The following ABCC6 variants were observed in gnomAD, a reference collection of about 807,000 sequenced individuals.
ABCC6 encodes the protein ATP-binding cassette sub-family C member 6.
A neutral mutation model predicts 169.5 loss-of-function variants in ABCC6; 126 were observed. That is an observed-to-expected ratio of 0.74 (90% CI 0.64 to 0.86). ABCC6 has a LOEUF of 0.86. Among genes scored for constraint, ABCC6 ranks in the 40% least tolerant of loss-of-function variants. ABCC6 has a pLI of 0.00. For synonymous variants in ABCC6, 752 were observed against 814.7 expected, an observed-to-expected ratio of 0.92 and a Z score of 1.31; for missense variants, 1,733 against 1,927.2, an observed-to-expected ratio of 0.90 and a Z score of 1.89.
chr16:16,215,344 A>T (rs1358981208), intron 4 of ABCC6, among the ~76,000 whole-genome samples: 2 of 151,848 alleles, frequency 1.3e-5, no homozygotes, highest in African/African-American at 4.8e-5. Context: ...CCACACCACA[A>T]TGATTTTTGC....
At chr16:16,157,083 G>C (rs1044586857) in intron 27 of ABCC6, among the ~76,000 whole-genome samples, 2 of 152,016 alleles carry the variant, frequency 1.3e-5, no homozygotes, top group African/African-American at 4.8e-5. Flanking sequence ...TTCAGTGAAG[G>C]GGCCTGATGA....
chr16:16,198,121 A>C lies in ABCC6; in HGVS notation c.1238T>G (p.Val413Gly). 6.2e-7 allele frequency: 1 copy of C among 1,612,308 alleles called. No individual in the cohort carries two copies. The highest frequency in any genetic ancestry group is 1.1e-5 in the South Asian group (1 of 90,600). Residue 413 changes from valine (V) to glycine (G), a missense_variant, in exon 10 of 31, where the codon GTG (valine) becomes GGG (glycine). This residue lies in a region of ABCC6 where 1,601 missense variants were observed against 1,635.5 expected (regional missense o/e 0.98). Coordinates refer to ENST00000205557, the MANE Select transcript of ABCC6 (RefSeq NM_001171.6). ...ASAVGDVVNLVSVDVQRLTES... is the reference protein window; with the variant it reads ...ASAVGDVVNLGSVDVQRLTES... ...GGTCAGCCGCTGCACGTCCACGGAC[A>C]CCAGATTGACCACATCACCCACCGC... is the stretch of plus-strand genomic sequence containing the variant.
chr16:16,186,948 A>G (rs1048340336), intron 14 of ABCC6, among the ~76,000 whole-genome samples, 176 bp downstream of exon 14: 9 of 152,112 alleles, frequency 5.9e-5, no homozygotes, highest in Non-Finnish European at 1.0e-4. Flanking sequence ...AGCAGAAAGA[A>G]GAGCAGCACG....
rs750477803 is a variant in ABCC6, at chr16:16,221,646, T to G, written c.219+3A>C. 1 of 1,613,926 alleles carries G rather than the reference T, an allele frequency of 6.2e-7. No homozygotes were observed. Among genetic ancestry groups the G allele is most frequent in the Non-Finnish European group, 8.5e-7 (1 of 1,179,840 alleles). On this transcript the variant is annotated splice_donor_region_variant and intron_variant, in intron 2 of 30. Transcript: ENST00000205557. ...GTTCCAGGCTCCCAGGGATGGCAGC[T>G]ACCATCTTGGCTTTGAAGAGTGGGG...
intron 22 of ABCC6, among the ~76,000 whole-genome samples, chr16:16,166,298 C>T (rs1309935800): frequency 6.6e-6 from 1 of 152,022 alleles, no homozygotes; most frequent in Non-Finnish European, 1.5e-5. Flanking sequence ...ATCTGCCTGC[C>T]TTGGCCTCCC....
chr16:16,221,063 C>A, intron 2 of ABCC6: 1 of 518,220 alleles, frequency 1.9e-6, no homozygotes, highest in Non-Finnish European at 2.5e-6. Flanking sequence ...TTTGCCAACC[C>A]CTGGGTTGGT....
In ABCC6 at chr16:16,154,889, A is replaced by G. The variant is rs63750608; in HGVS notation, c.4025T>C (p.Ile1342Thr). Residue 1342 changes from isoleucine (I) to threonine (T), a missense_variant, in exon 28 of 31, where the codon ATC (isoleucine) becomes ACC (threonine). Around this residue, in one of 5 missense-constraint regions of ABCC6, gnomAD observed 1,601 missense variants for 1,635.5 expected, o/e 0.98. Transcript: ENST00000205557. ...HVGLHTLRSR[I>T]SIIPQDPILF... ...CAGCCTCACCTGGGGGATGATGCTGATCCTGGAGCGCAGTGTGTGCAGCCC... is the reference window on the plus strand; with the variant it reads ...CAGCCTCACCTGGGGGATGATGCTGGTCCTGGAGCGCAGTGTGTGCAGCCC... 45 of 1,612,444 alleles carry G rather than the reference A, an allele frequency of 2.8e-5. No homozygotes were observed. Among genetic ancestry groups the G allele is most frequent in the Middle Eastern group, 1.6e-4 (1 of 6,076 alleles).
intron 1 of ABCC6, among the ~76,000 whole-genome samples, chr16:16,222,115 G>C (rs1217025683): frequency 6.6e-6 from 1 of 152,122 alleles, no homozygotes; most frequent in Non-Finnish European, 1.5e-5. Context: ...TTGAACCCAG[G>C]GAACTGGGCC....
chr16:16,209,043 C>T (rs2152289639), intron 6 of ABCC6, among the ~76,000 whole-genome samples, 184 bp from the exon 7 acceptor site: 1 of 152,076 alleles, frequency 6.6e-6, no homozygotes, highest in South Asian at 2.1e-4. Flanking sequence ...TCTCGTTTCA[C>T]AAAGATTGTC....
chr16:16,185,610 C>T (rs2047631019), intron 14 of ABCC6, among the ~76,000 whole-genome samples: 1 of 152,076 alleles, frequency 6.6e-6, no homozygotes, highest in African/African-American at 2.4e-5. Flanking sequence ...ATGGCAAAAC[C>T]CTGCCTCTAC....
At chr16:16,193,986 G>T (rs2152273982) in intron 10 of ABCC6, among the ~76,000 whole-genome samples, 1 of 152,270 alleles carries the variant, frequency 6.6e-6, no homozygotes, top group South Asian at 2.1e-4. Flanking sequence ...TGTCAGGGAG[G>T]GAAACAGCCC....
At chr16:16,210,736 C>G (rs376988895) in intron 6 of ABCC6, among the ~76,000 whole-genome samples, 3 of 152,162 alleles carry the variant, frequency 2.0e-5, no homozygotes, top group Admixed American at 6.5e-5. Context: ...AGAGCTGTTT[C>G]GAAAACCTCT....
chr16:16,183,107 C>T (rs150466), intron 15 of ABCC6, among the ~76,000 whole-genome samples, 177 bp from the exon 16 acceptor site: 12,688 of 152,228 alleles, frequency 0.083, 619 homozygotes, highest in East Asian at 0.24. Flanking sequence ...CTGTGCACAT[C>T]TGTGCATGTA....
At position 16,198,165 on chromosome 16, in the gene ABCC6, G is replaced by T. The variant is rs376518465; in HGVS notation, c.1194C>A (p.Ser398Arg). The change falls in exon 10 of 31, where the codon AGC becomes AGA. Residue 398 changes from serine (S) to arginine (R), a missense_variant. Physicochemically the swap from Ser to Arg is moderately radical, Grantham distance 110. Coordinates refer to ENST00000205557, the MANE Select transcript of ABCC6 (RefSeq NM_001171.6). Reference protein sequence around the residue: ...LVYRKVLALSSGSRKASAVGD... With the variant: ...LVYRKVLALSRGSRKASAVGD... Reference sequence around the variant, plus strand: ...CCACCGCACTGGCCTTTCTGGAGCCGCTGGACAGAGCCAGGACCTGGCGGG... The same window carrying T: ...CCACCGCACTGGCCTTTCTGGAGCCTCTGGACAGAGCCAGGACCTGGCGGG... 4.4e-6 allele frequency: 7 copies of T among 1,603,274 alleles called. No individual in the cohort carries two copies. The highest frequency in any genetic ancestry group is 6.0e-6 in the Non-Finnish European group (7 of 1,174,704).
chr16:16,190,079 T>TG (rs1320529024), intron 12 of ABCC6, 85 bp downstream of exon 12: 8 of 1,443,958 alleles, frequency 5.5e-6, no homozygotes, highest in Non-Finnish European at 5.8e-6. Flanking sequence ...TGGTAGGATC[T>TG]GGGGGGCTCC....
intron 14 of ABCC6, among the ~76,000 whole-genome samples, chr16:16,186,839 T>G (rs951867671): frequency 1.3e-5 from 2 of 152,144 alleles, no homozygotes; most frequent in Non-Finnish European, 2.9e-5. Flanking sequence ...AACCAGTCCC[T>G]GGTGCCAAAA....
At chr16:16,195,799 T>A (rs2048018696) in intron 10 of ABCC6, among the ~76,000 whole-genome samples, 1 of 152,180 alleles carries the variant, frequency 6.6e-6, no homozygotes, top group African/African-American at 2.4e-5. Context: ...GGCCCTGGAA[T>A]ACAAGGTGAA....
chr16:16,214,514 G>C, intron 4 of ABCC6, 65 bp from the exon 5 acceptor site: 1 of 1,551,118 alleles, frequency 6.4e-7, no homozygotes, highest in Non-Finnish European at 8.7e-7. Context: ...GAGAGAAAAG[G>C]TTTCTGATCT....
chr16:16,203,850 C>T (rs1202377570), intron 7 of ABCC6, among the ~76,000 whole-genome samples: 2 of 152,102 alleles, frequency 1.3e-5, no homozygotes, highest in Non-Finnish European at 2.9e-5. Flanking sequence ...CATGGGAAAG[C>T]ACACCTGTTG....
Sources: gnomAD v4.1 joint callset for allele counts (sites outside exome capture counted in the v4.1 genomes callset) on GRCh38, gnomAD v4.1.1 for gene constraint, gnomAD v4.1.1 regional missense constraint, MANE v1.5 for transcripts, NCBI Gene and HGNC (gene_info 2026-07-23, HGNC 2026-07-21) for gene names.